EDEM1: variants seen among roughly 807,000 people sequenced by gnomAD.
The protein encoded by EDEM1 is ER degradation enhancing alpha-mannosidase like protein 1, also known as ER degradation-enhancing alpha-mannosidase-like protein 1.
A neutral mutation model predicts 74.4 loss-of-function variants in EDEM1; 67 were observed. The ratio of observed to expected loss-of-function variants is 0.90; its 90% confidence interval spans 0.74 to 1.10. The LOEUF (loss-of-function observed/expected upper bound fraction) is 1.10, where lower values mean the gene tolerates loss of function less well. Among genes scored for constraint, EDEM1 ranks in the 50% least tolerant of loss-of-function variants. The pLI, the probability that EDEM1 is intolerant of heterozygous loss-of-function variation, is 0.00. For missense variants in EDEM1, 926 were observed against 851.6 expected (o/e 1.09, Z -1.09); for synonymous variants, 382 against 335.9 (o/e 1.14, Z -1.50).
intron 6 of EDEM1, among the ~76,000 whole-genome samples, chr3:5,205,684 G>A (rs560749452): frequency 2.6e-5 from 4 of 152,304 alleles, no homozygotes; most frequent in African/African-American, 7.2e-5. Context: ...TTTGCCAAGG[G>A]GCCTCTTTGT....
chr3:5,188,771 C>T (rs1456760802), intron 1 of EDEM1, among the ~76,000 whole-genome samples: 1 of 152,216 alleles, frequency 6.6e-6, no homozygotes, highest in Non-Finnish European at 1.5e-5. Flanking sequence ...CACATTGCCA[C>T]ACCCACGTCT....
Position 5,219,647 on chromosome 3 carries a change from C to T in EDEM1, c.*3729C>T, listed in dbSNP as rs554372713. On this transcript the variant is annotated 3_prime_UTR_variant, in exon 12 of 12. Transcript: ENST00000256497. ...GTTATTTTGTTTTAGTTTTAAATAGCAAAACACAAGCTGCATTTTTATTTA... is the reference window on the plus strand; with the variant it reads ...GTTATTTTGTTTTAGTTTTAAATAGTAAAACACAAGCTGCATTTTTATTTA... 2.6e-5 allele frequency: 4 copies of T among 152,664 alleles called. No homozygotes were observed. Among genetic ancestry groups the T allele is most frequent in the African/African-American group, 9.6e-5 (4 of 41,540 alleles). 9.5% of individuals were successfully genotyped at this position (152,664 alleles called of 1,614,324 possible).
intron 6 of EDEM1, among the ~76,000 whole-genome samples, 186 bp from the exon 7 acceptor site, chr3:5,206,967 A>G (rs2055105045): frequency 6.6e-6 from 1 of 152,262 alleles, no homozygotes; most frequent in South Asian, 2.1e-4. Context: ...TGTGGAAAAT[A>G]TTATCTTCTG....
rs112261144 is a variant in EDEM1 at position 5,200,867 on chromosome 3, G to GT, written c.687-873dup. Among the ~76,000 whole-genome samples the GT allele has an allele frequency of 6.8e-3, 891 of 131,798 alleles. 5 individuals are homozygous for GT. Among genetic ancestry groups the GT allele is most frequent in the South Asian group, 0.027 (107 of 3,982 alleles). The allele number at this position is 131,798 out of a possible 152,430, so 86.5% of individuals were successfully genotyped here. The stretch of plus-strand genomic sequence containing the variant: ...AGTATTTGTTGTCTTACCTTTCTCT[G>GT]TTTTTTTTTTTTTAATTTGAATTAA... On this transcript the variant is annotated intron_variant, in intron 3 of 11. Coordinates refer to ENST00000256497, the MANE Select transcript of EDEM1 (RefSeq NM_014674.3).
intron 3 of EDEM1, 68 bp downstream of exon 3, chr3:5,199,763 T>C (rs1418357871): frequency 2.3e-6 from 3 of 1,332,174 alleles, no homozygotes; most frequent in Non-Finnish European, 3.1e-6. Context: ...AAAAAATACC[T>C]TTGAGGGTCT....
At chr3:5,214,465 T>C (rs2055206525) in intron 11 of EDEM1, among the ~76,000 whole-genome samples, 1 of 151,896 alleles carries the variant, frequency 6.6e-6, no homozygotes, top group African/African-American at 2.4e-5. Context: ...CCCGCCCCCA[T>C]TTCCATCAGT....
At chr3:5,203,182 C>A in intron 5 of EDEM1, 33 bp downstream of exon 5, 1 of 1,508,496 alleles carries the variant, frequency 6.6e-7, no homozygotes, top group Non-Finnish European at 8.9e-7. Context: ...TGGGACTGCA[C>A]ACTGCTTGGT....
intron 11 of EDEM1, among the ~76,000 whole-genome samples, chr3:5,214,033 G>T (rs62255915): frequency 0.016 from 2,417 of 152,336 alleles, 24 homozygotes; most frequent in East Asian, 0.03. Flanking sequence ...AAAAAAAGCA[G>T]TGATGGTCAC....
At position 5,213,365 on chromosome 3, in the gene EDEM1, T is replaced by C; in HGVS notation, c.1727T>C (p.Met576Thr). ...GTACACAAGTCTGGAACCAGATACA[T>C]GTTCACAACAGAGGGACACATTGTA... is the stretch of plus-strand genomic sequence containing the variant. ...NPVHKSGTRY[M>T]FTTEGHIVSV... The change falls in exon 11 of 12, where the codon ATG becomes ACG. Residue 576 changes from methionine to threonine, a missense_variant. Met to Thr is a moderately conservative substitution (Grantham distance 81). Coordinates refer to ENST00000256497, the MANE Select transcript of EDEM1 (RefSeq NM_014674.3). The C allele has an allele frequency of 6.2e-7, 1 of 1,614,098 alleles. No individual in the cohort carries two copies. Among genetic ancestry groups the C allele is most frequent in the Non-Finnish European group, 8.5e-7 (1 of 1,179,986 alleles).
chr3:5,195,907 A>C (rs886387466), intron 2 of EDEM1, among the ~76,000 whole-genome samples: 1 of 152,258 alleles, frequency 6.6e-6, no homozygotes, highest in Non-Finnish European at 1.5e-5. Flanking sequence ...CACTCAGTAC[A>C]TGGTGCCATG....
chr3:5,208,107 T>C lies in EDEM1; in HGVS notation c.1353T>C (p.Asp451=). The C allele has an allele frequency of 6.2e-7, 1 of 1,604,726 alleles. No homozygotes were observed. The highest frequency in any genetic ancestry group is 2.2e-5 in the East Asian group (1 of 44,816). ...FFPGLQVLIG[D]VEDAICLHAF... is the part of the protein sequence containing the mutation. The stretch of plus-strand genomic sequence containing the variant: ...CCTCTCCTTAGGTGCTGATAGGAGA[T>C]GTGGAAGATGCCATCTGCCTTCATG... The change falls in exon 8 of 12, where the codon GAT becomes GAC. Residue 451 remains aspartate (D), a synonymous_variant. Coordinates refer to ENST00000256497, the MANE Select transcript of EDEM1 (RefSeq NM_014674.3).
intron 11 of EDEM1, 22 bp from the exon 12 acceptor site, chr3:5,215,807 T>G (rs756475326): frequency 6.2e-7 from 1 of 1,605,246 alleles, no homozygotes; most frequent in African/African-American, 1.3e-5. Context: ...TTTTTAATTT[T>G]CCCTCGTTTT....
chr3:5,210,078 C>G (rs1345048249), intron 8 of EDEM1, 97 bp from the exon 9 acceptor site: 1 of 1,067,382 alleles, frequency 9.4e-7, no homozygotes, highest in African/African-American at 1.6e-5. Context: ...TGGCTGGCGA[C>G]TCGTCTCCAT....
intron 10 of EDEM1, chr3:5,211,475 A>G (rs2055166963): frequency 2.4e-6 from 1 of 412,012 alleles, no homozygotes; most frequent in Non-Finnish European, 4.6e-6. Context: ...GTAACGATTG[A>G]TACAGAACCA....
At position 5,217,205 on chromosome 3, in the gene EDEM1, T is replaced by G. The variant is rs1261106964; in HGVS notation, c.*1287T>G. On this transcript the variant is annotated 3_prime_UTR_variant, in exon 12 of 12. Transcript: ENST00000256497. Reference sequence around the variant, plus strand: ...GTAGAAGGAGGAAGTTGTGCTAAAATGCCTTTGTTTTTTTGTTATTATTTT... The same window carrying G: ...GTAGAAGGAGGAAGTTGTGCTAAAAGGCCTTTGTTTTTTTGTTATTATTTT... 1.3e-5 allele frequency: 2 copies of G among 152,648 alleles called. No homozygotes were observed. The highest frequency in any genetic ancestry group is 3.8e-4 in the East Asian group (2 of 5,202). The allele number at this position is 152,648 out of a possible 1,614,324, so 9.5% of individuals were successfully genotyped here.
intron 7 of EDEM1, 98 bp downstream of exon 7, chr3:5,207,371 C>A (rs1575590071): frequency 6.5e-7 from 1 of 1,531,730 alleles, no homozygotes; most frequent in East Asian, 2.3e-5. Flanking sequence ...TCTCTGTCTC[C>A]TTTGGATTTG....
chr3:5,213,278 G>C (rs777446171), intron 10 of EDEM1, 41 bp from the exon 11 acceptor site: 1 of 1,580,744 alleles, frequency 6.3e-7, no homozygotes, highest in Non-Finnish European at 8.6e-7. Flanking sequence ...TTCCCAGTGT[G>C]CTACAATTAT....
chr3:5,191,816 C>T (rs575261312), intron 1 of EDEM1, among the ~76,000 whole-genome samples: 1 of 152,302 alleles, frequency 6.6e-6, no homozygotes, highest in African/African-American at 2.4e-5. Flanking sequence ...AGTCAGTTCT[C>T]ACATCCTTAA....
intron 1 of EDEM1, 31 bp downstream of exon 1, chr3:5,188,345 G>T (rs1360049932): frequency 2.2e-6 from 3 of 1,387,918 alleles, no homozygotes; most frequent in Non-Finnish European, 2.8e-6. Flanking sequence ...GGGGCCGCGC[G>T]CCCACGCGCT....
Sources: gnomAD v4.1 joint callset for allele counts (sites outside exome capture counted in the v4.1 genomes callset) on GRCh38, gnomAD v4.1.1 for gene constraint, MANE v1.5 for transcripts, NCBI Gene and HGNC (gene_info 2026-07-23, HGNC 2026-07-21) for gene names.